FHIP1B: variants seen among roughly 807,000 people sequenced by gnomAD.
FHIP1B encodes FHF complex subunit HOOK-interacting protein 1B.
FHIP1B carries 28 observed loss-of-function variants against 82.2 expected under a neutral mutation model. The ratio of observed to expected loss-of-function variants is 0.34; its 90% confidence interval spans 0.25 to 0.47. FHIP1B has a LOEUF of 0.47. Among genes scored for constraint, FHIP1B ranks in the 20% least tolerant of loss-of-function variants. FHIP1B has a pLI of 1.00. For missense variants in FHIP1B, 1,110 were observed against 1,262.6 expected, an observed-to-expected ratio of 0.88 and a Z score of 1.83; for synonymous variants, 585 against 516.1, an observed-to-expected ratio of 1.13 and a Z score of -1.81.
chr11:6,212,090 C>T, intron 11 of FHIP1B: 1 of 429,024 alleles, frequency 2.3e-6, no homozygotes, highest in Non-Finnish European at 3.1e-6. Flanking sequence ...TTTCTCACTC[C>T]AACACCAAAA....
At position 6,218,735 on chromosome 11, in the gene FHIP1B, G is replaced by A. The variant is rs1847322862; in HGVS notation, c.1300C>T (p.Leu434=). 1 of 1,614,146 alleles carries A rather than the reference G, an allele frequency of 6.2e-7. No individual in the cohort carries two copies. Among genetic ancestry groups the A allele is most frequent in the Non-Finnish European group, 8.5e-7 (1 of 1,180,034 alleles). ...RYLVPCNHVM[L]SQKPAVRDVD... ...TCACGAACAGCCGGCTTCTGGCTCA[G>A]CATAACGTGGTTACATGGAACAAGA... The change falls in exon 8 of 12, where the codon CTG becomes TTG. Residue 434 remains leucine, a synonymous_variant. Transcript: ENST00000449352.
intron 6 of FHIP1B, among the ~76,000 whole-genome samples, chr11:6,220,217 G>T (rs1273617603): frequency 6.6e-6 from 1 of 152,150 alleles, no homozygotes; most frequent in South Asian, 2.1e-4. Context: ...CAAGGAATCT[G>T]GTTGCTCTAC....
intron 1 of FHIP1B, among the ~76,000 whole-genome samples, chr11:6,231,062 G>A (rs1847684231): frequency 6.6e-6 from 1 of 152,124 alleles, no homozygotes; most frequent in Non-Finnish European, 1.5e-5. Context: ...AATCATTCTA[G>A]GGATGGACCA....
chr11:6,214,034 G>GAAA (rs59502569), intron 11 of FHIP1B, among the ~76,000 whole-genome samples: 27 of 36,640 alleles, frequency 7.4e-4, no homozygotes, highest in South Asian at 2.5e-3. Context: ...GACCTCTCCT[G>GAAA]AAAAAAAAAA....
chr11:6,214,385 T>C, intron 11 of FHIP1B, 26 bp downstream of exon 11: 1 of 1,582,340 alleles, frequency 6.3e-7, no homozygotes, highest in South Asian at 1.1e-5. Context: ...GGAGGGCAGG[T>C]ACGGGTGTGG....
Position 6,217,628 on chromosome 11 carries a change from G to A in FHIP1B, c.1958C>T (p.Pro653Leu). 6.2e-7 allele frequency: 1 copy of A among 1,613,978 alleles called. No homozygotes were observed. The highest frequency in any genetic ancestry group is 1.1e-5 in the South Asian group (1 of 91,046). ...PEGAKKVRLV[P>L]KEGAGELLEG... Reference sequence around the variant, plus strand: ...TAGCAGTTCCCCAGCTCCCTCCTTTGGCACCAGACGAACCTTCTTGGCCCC... The same window carrying A: ...TAGCAGTTCCCCAGCTCCCTCCTTTAGCACCAGACGAACCTTCTTGGCCCC... Residue 653 changes from proline (P) to leucine (L), a missense_variant, in exon 9 of 12, where the codon CCA becomes CTA. Coordinates refer to ENST00000449352, the MANE Select transcript of FHIP1B (RefSeq NM_001098794.2).
At chr11:6,224,308 G>A in intron 2 of FHIP1B, 60 bp from the exon 3 acceptor site, 4 of 1,614,132 alleles carry the variant, frequency 2.5e-6, no homozygotes, top group Non-Finnish European at 8.5e-7. Flanking sequence ...TAAATGGGAT[G>A]AGGAGAATAT....
intron 6 of FHIP1B, among the ~76,000 whole-genome samples, chr11:6,219,911 A>G (rs925776271): frequency 2.0e-5 from 3 of 152,236 alleles, no homozygotes; most frequent in African/African-American, 7.2e-5. Flanking sequence ...CACAGCAAGA[A>G]AAACACGTGA....
In FHIP1B at chr11:6,224,402, C is replaced by T. The variant is rs755699735; in HGVS notation, c.115G>A (p.Val39Ile). 6.2e-7 allele frequency: 1 copy of T among 1,614,194 alleles called. No homozygotes were observed. Among genetic ancestry groups the T allele is most frequent in the Non-Finnish European group, 8.5e-7 (1 of 1,180,044 alleles). Residue 39 changes from valine to isoleucine, a missense_variant, in exon 2 of 12, where the codon GTC (valine) becomes ATC (isoleucine). Val to Ile is a conservative substitution (Grantham distance 29). Coordinates refer to ENST00000449352, the MANE Select transcript of FHIP1B (RefSeq NM_001098794.2). Reference sequence around the variant, plus strand: ...ACCTGGGACCAGTGATTCTTGAAGACCATGAGGCAGGTCTCGGGATCAGCC... The same window carrying T: ...ACCTGGGACCAGTGATTCTTGAAGATCATGAGGCAGGTCTCGGGATCAGCC... Reference protein sequence around the residue: ...VMADPETCLMVFKNHWSQVVR... With the variant: ...VMADPETCLMIFKNHWSQVVR...
At position 6,222,823 on chromosome 11, in the gene FHIP1B, A is replaced by G. The variant is rs1418035800; in HGVS notation, c.1011T>C (p.Pro337=). 3 of 1,614,164 alleles carry G rather than the reference A, an allele frequency of 1.9e-6. No homozygotes were observed. Reference sequence around the variant, plus strand: ...CCATGACTCTCACCTTGTGCAAGGCAGGACCCATGACAGGCACCAGGAACC... The same window carrying G: ...CCATGACTCTCACCTTGTGCAAGGCGGGACCCATGACAGGCACCAGGAACC... The part of the protein sequence containing the change: ...HNGFLVPVMG[P]ALHKTSVEEM... Residue 337 remains proline (P), a synonymous_variant, in exon 5 of 12, where the codon CCT becomes CCC. Transcript: ENST00000449352.
intron 1 of FHIP1B, among the ~76,000 whole-genome samples, chr11:6,229,074 G>A (rs1231383165): frequency 6.6e-6 from 1 of 152,166 alleles, no homozygotes; most frequent in Non-Finnish European, 1.5e-5. Flanking sequence ...CACCTGCAAA[G>A]AGCCTCATTG....
At chr11:6,221,097 CTTCAA>C in intron 6 of FHIP1B, among the ~76,000 whole-genome samples, 1 of 152,178 alleles carries the variant, frequency 6.6e-6, no homozygotes, top group East Asian at 1.9e-4. Flanking sequence ...TAGTTGTCAT[CTTCAA>C]AGATTCACAG....
At chr11:6,228,808 T>A (rs1213665340) in intron 1 of FHIP1B, among the ~76,000 whole-genome samples, 1 of 137,420 alleles carries the variant, frequency 7.3e-6, no homozygotes, top group Admixed American at 7.9e-5. Context: ...CAAAGACTAG[T>A]AGCCATCAGC....
intron 1 of FHIP1B, among the ~76,000 whole-genome samples, chr11:6,230,035 A>G (rs1179888510): frequency 4.6e-5 from 7 of 151,404 alleles, no homozygotes; most frequent in African/African-American, 1.5e-4. Flanking sequence ...AGGCTCAGCC[A>G]CAGAGTAAAA....
At chr11:6,214,621 C>G in intron 10 of FHIP1B, 48 bp from the exon 11 acceptor site, 1 of 1,576,048 alleles carries the variant, frequency 6.3e-7, no homozygotes. Flanking sequence ...TAGACTGATA[C>G]AGTCCTTTCT....
At position 6,217,833 on chromosome 11, in the gene FHIP1B, G is replaced by A. The variant is rs1461630815; in HGVS notation, c.1753C>T (p.Pro585Ser). The change falls in exon 9 of 12, where the codon CCC (proline) becomes TCC (serine). Residue 585 changes from proline (P) to serine (S), a missense_variant. Around this residue, in one of 6 missense-constraint regions of FHIP1B, gnomAD observed 418 missense variants for 371.4 expected, o/e 1.13. Transcript: ENST00000449352. The stretch of plus-strand genomic sequence containing the variant: ...TTAGTCCGGGAGCCAAAAGGACTGG[G>A]CTCAGGAGAGGGCCGCTCGCCATCA... ...PYDGERPSPE[P>S]SPFGSRTKKR... 1 of 1,613,852 alleles carries A rather than the reference G, an allele frequency of 6.2e-7. No individual in the cohort carries two copies. Among genetic ancestry groups the A allele is most frequent in the African/African-American group, 1.3e-5 (1 of 75,036 alleles).
chr11:6,226,322 A>T (rs894174566), intron 1 of FHIP1B, among the ~76,000 whole-genome samples: 1 of 152,248 alleles, frequency 6.6e-6, no homozygotes, highest in African/African-American at 2.4e-5. Flanking sequence ...CATTAACTCA[A>T]TGTATATCCA....
rs561484330 is a variant in FHIP1B, at chr11:6,222,606, A to T, written c.1027T>A (p.Ser343Thr). The change falls in exon 6 of 12, where the codon TCT (serine) becomes ACT (threonine). Residue 343 changes from serine (S) to threonine (T), a missense_variant. Ser to Thr is a moderately conservative substitution (Grantham distance 58). Coordinates refer to ENST00000449352, the MANE Select transcript of FHIP1B (RefSeq NM_001098794.2). ...PVMGPALHKT[S>T]VEEMIASTAY... ...GTACTGGCGATCATCTCCTCCACAG[A>T]GGTCTGCACAAAAAGAAGGGAAAGT... The T allele has an allele frequency of 6.2e-7, 1 of 1,614,010 alleles. No individual in the cohort carries two copies. Among genetic ancestry groups the T allele is most frequent in the South Asian group, 1.1e-5 (1 of 91,078 alleles).
Position 6,211,827 on chromosome 11 carries a change from C to A in FHIP1B, c.2598G>T (p.Arg866=). 6.3e-7 allele frequency: 1 copy of A among 1,596,828 alleles called. No homozygotes were observed. Among genetic ancestry groups the A allele is most frequent in the Middle Eastern group, 1.7e-4 (1 of 5,930 alleles). Reference sequence around the variant, plus strand: ...GGGCCCTGGTTGGACTGTGTGCATGCCGCAGGAGTAACTCCCCCAAGGATG... The same window carrying A: ...GGGCCCTGGTTGGACTGTGTGCATGACGCAGGAGTAACTCCCCCAAGGATG... ...RRPSLGELLL[R]HAHSPTRARQ... The change falls in exon 12 of 12, where the codon CGG becomes CGT. Residue 866 remains arginine (R), a synonymous_variant. Transcript: ENST00000449352.
Sources: allele counts gnomAD v4.1 joint callset (sites outside exome capture counted in the v4.1 genomes callset), GRCh38; gene constraint gnomAD v4.1.1; regional missense constraint gnomAD v4.1.1; transcripts MANE v1.5; gene names NCBI Gene and HGNC (gene_info 2026-07-23, HGNC 2026-07-21).